Variants in SMIM36 observed in about 807,000 individuals in gnomAD.
SMIM36 encodes the protein small integral membrane protein 36.
upstream of SMIM36, among the ~76,000 whole-genome samples, chr17:55,512,227 A>G (rs973243084): frequency 2.6e-5 from 4 of 152,228 alleles, no homozygotes; most frequent in Non-Finnish European, 5.9e-5. Context: ...AAAGAACTGC[A>G]TATGTGAAGA....
At chr17:55,488,725 T>C (rs71385391) in intron 1 of SMIM36, among the ~76,000 whole-genome samples, 1 of 152,240 alleles carries the variant, frequency 6.6e-6, no homozygotes, top group Non-Finnish European at 1.5e-5. Context: ...CATCTTTGTA[T>C]ACACTTCTTA....
intron 1 of SMIM36, among the ~76,000 whole-genome samples, chr17:55,484,294 C>G (rs1029971540): frequency 1.3e-5 from 2 of 152,158 alleles, no homozygotes; most frequent in African/African-American, 4.8e-5. Flanking sequence ...GCAGGATAAC[C>G]AAGCCCTAAC....
At chr17:55,492,979 A>G (rs1284911987) in intron 1 of SMIM36, among the ~76,000 whole-genome samples, 1 of 152,246 alleles carries the variant, frequency 6.6e-6, no homozygotes, top group East Asian at 1.9e-4. Flanking sequence ...CTTGACTTGT[A>G]GAATCACCAA....
chr17:55,512,355 C>T (rs1910196121), upstream of SMIM36, among the ~76,000 whole-genome samples: 1 of 152,172 alleles, frequency 6.6e-6, no homozygotes. Context: ...AAGGCACAGG[C>T]ACTTGTGGGC....
intron 4 of SMIM36, among the ~76,000 whole-genome samples, chr17:55,462,354 T>G (rs1909160732): frequency 6.6e-6 from 1 of 152,224 alleles, no homozygotes; most frequent in African/African-American, 2.4e-5. Context: ...CTTATGCCTG[T>G]AATCTCAGCA....
chr17:55,519,013 A>G, the SMIM36 span, among the ~76,000 whole-genome samples: 2 of 150,206 alleles, frequency 1.3e-5, no homozygotes, highest in South Asian at 4.2e-4. Context: ...TTTTTCTCTC[A>G]CCGAGGAATG....
rs16956015 is a variant in SMIM36 at position 55,511,431 on chromosome 17, A to T, written c.-97T>A. 4.8e-3 allele frequency: 1,922 copies of T among 396,898 alleles called. 36 individuals carry two copies. The highest frequency in any genetic ancestry group is 0.035 in the African/African-American group (1,721 of 48,710). 24.6% of individuals were successfully genotyped at this position (396,898 alleles called of 1,614,324 possible). On this transcript the variant is annotated 5_prime_UTR_variant, in exon 1 of 5. An upstream start codon of the reference 5' UTR is lost. Coordinates refer to ENST00000636752, the Ensembl canonical transcript of SMIM36. The stretch of plus-strand genomic sequence containing the variant: ...GATCTTAGAGCATCGGAATAGCTAC[A>T]TTGGCTCTGGAGTAAAAATACATTA...
At chr17:55,483,842 G>A (rs1897678774) in intron 1 of SMIM36, among the ~76,000 whole-genome samples, 1 of 152,002 alleles carries the variant, frequency 6.6e-6, no homozygotes, top group South Asian at 2.1e-4. Context: ...CAGGCTGGTT[G>A]GTCTTAAACT....
chr17:55,531,215 G>A, the SMIM36 span, among the ~76,000 whole-genome samples: 5 of 151,950 alleles, frequency 3.3e-5, no homozygotes, highest in African/African-American at 1.2e-4. Context: ...CTTTTCTTCC[G>A]CTGACCTCCC....
chr17:55,456,801 C>T (rs1909032948), intron 4 of SMIM36, among the ~76,000 whole-genome samples: 1 of 152,150 alleles, frequency 6.6e-6, no homozygotes, highest in Admixed American at 6.5e-5. Flanking sequence ...TCTCTTGGGA[C>T]TTAATTATAA....
At chr17:55,507,821 G>A (rs1016815927) in intron 1 of SMIM36, among the ~76,000 whole-genome samples, 7 of 152,222 alleles carry the variant, frequency 4.6e-5, no homozygotes, top group African/African-American at 1.7e-4. Flanking sequence ...TCTCCCATTA[G>A]TTCAGTCCAT....
intron 1 of SMIM36, among the ~76,000 whole-genome samples, chr17:55,499,836 G>A (rs1420262213): frequency 1.3e-5 from 2 of 152,020 alleles, no homozygotes; most frequent in Non-Finnish European, 2.9e-5. Context: ...AACATTAGGT[G>A]GAACCTTGCA....
chr17:55,508,587 A>G (rs1910125423), intron 1 of SMIM36, among the ~76,000 whole-genome samples: 1 of 151,192 alleles, frequency 6.6e-6, no homozygotes, highest in African/African-American at 2.4e-5. Context: ...CTGCCTGTGA[A>G]TTTATGGTGT....
At chr17:55,525,707 C>G in the SMIM36 span, among the ~76,000 whole-genome samples, 51,746 of 151,910 alleles carry the variant, frequency 0.34, 8,960 homozygotes, top group East Asian at 0.51. Flanking sequence ...ATCCAGGCTG[C>G]AGTGCAGTGG....
rs183371336 is a variant in SMIM36 at position 55,464,194 on chromosome 17, T to A, written c.*531+2951A>T. Among the ~76,000 whole-genome samples, 123 of 152,306 alleles carry A rather than the reference T, an allele frequency of 8.1e-4. 4 individuals carry two copies. Among genetic ancestry groups the A allele is most frequent in the Admixed American group, 7.8e-3 (119 of 15,306 alleles). ...CATGTCCACCTAGGATATTCTACTATTCTATGGCTTGAAACTGGAGAAGGA... is the reference window on the plus strand; with the variant it reads ...CATGTCCACCTAGGATATTCTACTAATCTATGGCTTGAAACTGGAGAAGGA... On this transcript the variant is annotated intron_variant, in intron 4 of 4. Coordinates refer to ENST00000636752, the Ensembl canonical transcript of SMIM36.
chr17:55,495,133 A>G (rs1049718592), intron 1 of SMIM36, among the ~76,000 whole-genome samples: 2 of 152,332 alleles, frequency 1.3e-5, no homozygotes, highest in South Asian at 2.1e-4. Flanking sequence ...TGTCAAATAG[A>G]TAAGTGGTCT....
At chr17:55,525,768 C>T in the SMIM36 span, among the ~76,000 whole-genome samples, 1 of 151,540 alleles carries the variant, frequency 6.6e-6, no homozygotes, top group Non-Finnish European at 1.5e-5. Flanking sequence ...AGTGATTCTC[C>T]AGCCTCAGCC....
chr17:55,528,790 A>G, the SMIM36 span, among the ~76,000 whole-genome samples: 20 of 152,114 alleles, frequency 1.3e-4, no homozygotes, highest in Admixed American at 9.8e-4. Flanking sequence ...ACCTCAGATG[A>G]TCTGACCCTC....
intron 3 of SMIM36, among the ~76,000 whole-genome samples, chr17:55,471,650 T>C (rs1171311647): frequency 6.6e-6 from 1 of 152,166 alleles, no homozygotes. Context: ...CCCTAAGTCT[T>C]TTCCCAATTC....
Sources: gnomAD v4.1 joint callset for allele counts (sites outside exome capture counted in the v4.1 genomes callset) on GRCh38, gnomAD v4.1.1 for gene constraint, MANE v1.5 for transcripts, NCBI Gene and HGNC (gene_info 2026-07-23, HGNC 2026-07-21) for gene names.